NRXN1: variants seen among roughly 807,000 people sequenced by gnomAD.
The protein encoded by NRXN1 is neurexin 1, also known as neurexin-1.
NRXN1 carries 39 observed loss-of-function variants against 150.9 expected under a neutral mutation model. The observed-to-expected ratio is 0.26, with a 90% CI of 0.20 to 0.34. The LOEUF (loss-of-function observed/expected upper bound fraction) is 0.34, where lower values mean the gene tolerates loss of function less well. Among genes scored for constraint, NRXN1 ranks in the 10% least tolerant of loss-of-function variants. The pLI, the probability that NRXN1 is intolerant of heterozygous loss-of-function variation, is 1.00. For missense variants in NRXN1, 1,815 were observed against 1,949.9 expected, an observed-to-expected ratio of 0.93 and a Z score of 1.30; for synonymous variants, 924 against 757.0, an observed-to-expected ratio of 1.22 and a Z score of -3.62.
chr2:50,765,870 T>C (rs962158692), intron 5 of NRXN1, among the ~76,000 whole-genome samples: 11 of 152,040 alleles, frequency 7.2e-5, no homozygotes, highest in African/African-American at 2.2e-4. Context: ...GGTGGAAGAA[T>C]TGACATACAG....
rs541377404 is a variant in NRXN1 at position 49,923,161 on chromosome 2, G to C, written c.4217-910C>G. On this transcript the variant is annotated intron_variant, in intron 22 of 22. Transcript: ENST00000401669. ...GGCCTGGTCAGGCACTGAAATTGAT[G>C]ATTGATGGGGAAGAATGGACCTGAG... Among the ~76,000 whole-genome samples the C allele has an allele frequency of 1.7e-4, 26 of 152,282 alleles. No homozygotes were observed. The South Asian group carries it at 3.1e-3, about 18-fold the overall frequency.
At chr2:50,342,216 C>G (rs918525550) in intron 17 of NRXN1, among the ~76,000 whole-genome samples, 5 of 152,126 alleles carry the variant, frequency 3.3e-5, no homozygotes, top group African/African-American at 1.2e-4. Flanking sequence ...TTTTGGGCAA[C>G]CAAAAAATTA....
chr2:50,796,858 T>C (rs1244246963), intron 5 of NRXN1, among the ~76,000 whole-genome samples: 1 of 152,156 alleles, frequency 6.6e-6, no homozygotes, highest in Non-Finnish European at 1.5e-5. Context: ...AAGAGAAATT[T>C]ATTGTTCTCA....
At chr2:50,659,659 ATATT>A (rs1425437106) in intron 5 of NRXN1, among the ~76,000 whole-genome samples, 5 of 151,844 alleles carry the variant, frequency 3.3e-5, no homozygotes, top group Admixed American at 6.6e-5. Flanking sequence ...TGTAAGTTGA[ATATT>A]CATTTATATT....
At chr2:50,325,805 A>G (rs536141023) in intron 17 of NRXN1, among the ~76,000 whole-genome samples, 2 of 152,336 alleles carry the variant, frequency 1.3e-5, no homozygotes, top group African/African-American at 4.8e-5. Flanking sequence ...AATATTTTAT[A>G]TGTTTGTAAC....
intron 18 of NRXN1, among the ~76,000 whole-genome samples, chr2:50,096,592 G>C (rs1700256374): frequency 6.6e-6 from 1 of 152,092 alleles, no homozygotes; most frequent in East Asian, 1.9e-4. Context: ...TCCCTGTACT[G>C]TATATTCCTT....
chr2:50,934,898 A>T (rs2104426836), intron 2 of NRXN1, among the ~76,000 whole-genome samples: 1 of 152,268 alleles, frequency 6.6e-6, no homozygotes, highest in Admixed American at 6.5e-5. Context: ...AACTCTGGAC[A>T]ATTATTACTC....
At chr2:49,985,356 T>C (rs557860355) in intron 21 of NRXN1, among the ~76,000 whole-genome samples, 3 of 152,336 alleles carry the variant, frequency 2.0e-5, no homozygotes, top group Admixed American at 6.5e-5. Context: ...ATTAGTGTTC[T>C]ATATTTAATG....
chr2:50,454,282 T>A (rs1438963254), intron 17 of NRXN1, among the ~76,000 whole-genome samples: 1 of 152,120 alleles, frequency 6.6e-6, no homozygotes, highest in African/African-American at 2.4e-5. Flanking sequence ...GCCAAAATCA[T>A]GCCACTGCAC....
chr2:50,151,254 T>C (rs186073876), intron 18 of NRXN1, among the ~76,000 whole-genome samples: 2 of 151,816 alleles, frequency 1.3e-5, no homozygotes, highest in East Asian at 3.9e-4. Flanking sequence ...ATCTCCCCCT[T>C]TGCTTAAATA....
chr2:50,910,063 A>C (rs1684307192), intron 5 of NRXN1, among the ~76,000 whole-genome samples: 1 of 151,622 alleles, frequency 6.6e-6, no homozygotes, highest in Admixed American at 6.6e-5. Flanking sequence ...AAAATGAAAC[A>C]AAAAAAATGT....
At chr2:50,455,159 T>C (rs1161916694) in intron 17 of NRXN1, among the ~76,000 whole-genome samples, 1 of 152,078 alleles carries the variant, frequency 6.6e-6, no homozygotes, top group South Asian at 2.1e-4. Context: ...GGAACTTAAA[T>C]GTGGAAAGAA....
intron 18 of NRXN1, among the ~76,000 whole-genome samples, chr2:50,163,613 C>T (rs2059499288): frequency 6.6e-6 from 1 of 152,098 alleles, no homozygotes; most frequent in Non-Finnish European, 1.5e-5. Flanking sequence ...TTGACAACTG[C>T]CTTTTGCTTT....
intron 5 of NRXN1, among the ~76,000 whole-genome samples, chr2:50,868,557 A>T (rs1677305841): frequency 6.6e-6 from 1 of 151,758 alleles, no homozygotes; most frequent in Admixed American, 6.6e-5. Flanking sequence ...AATTGATACA[A>T]ATAAAAAAAA....
At chr2:50,717,414 T>G (rs1696007812) in intron 5 of NRXN1, among the ~76,000 whole-genome samples, 1 of 152,150 alleles carries the variant, frequency 6.6e-6, no homozygotes, top group African/African-American at 2.4e-5. Context: ...TCTGTTCTAG[T>G]TGGAACAACA....
At chr2:50,180,772 G>A (rs1320934491) in intron 18 of NRXN1, among the ~76,000 whole-genome samples, 1 of 152,042 alleles carries the variant, frequency 6.6e-6, no homozygotes, top group African/African-American at 2.4e-5. Flanking sequence ...AAACTACCTG[G>A]TTTTAGGTAT....
chr2:49,974,429 T>C (rs1188392926), intron 21 of NRXN1, among the ~76,000 whole-genome samples: 15 of 152,214 alleles, frequency 9.9e-5, no homozygotes, highest in Admixed American at 9.8e-4. Context: ...CTTATTTTCA[T>C]GCACGAACAT....
intron 12 of NRXN1, among the ~76,000 whole-genome samples, chr2:50,527,843 G>A (rs1257645515): frequency 6.6e-6 from 1 of 152,100 alleles, no homozygotes; most frequent in Non-Finnish European, 1.5e-5. Flanking sequence ...TATTTAAATT[G>A]CTGATGACTT....
chr2:50,667,795 G>C (rs1171230562), intron 5 of NRXN1, among the ~76,000 whole-genome samples: 1 of 151,662 alleles, frequency 6.6e-6, no homozygotes, highest in Non-Finnish European at 1.5e-5. Flanking sequence ...TTGCATCTTT[G>C]TATCTATTCT....
Sources: gnomAD v4.1 joint callset for allele counts (sites outside exome capture counted in the v4.1 genomes callset) on GRCh38, gnomAD v4.1.1 for gene constraint, MANE v1.5 for transcripts, NCBI Gene and HGNC (gene_info 2026-07-23, HGNC 2026-07-21) for gene names.